The following FOS variants were observed in gnomAD, a reference collection of about 807,000 sequenced individuals.
The protein encoded by FOS is protein c-Fos.
In FOS, 9 loss-of-function variants were observed where a neutral mutation model predicts 27.2. That is an observed-to-expected ratio of 0.33 (90% CI 0.20 to 0.58). The LOEUF (loss-of-function observed/expected upper bound fraction) is 0.58. Ranked by LOEUF, FOS falls within the 20% of genes least tolerant of loss-of-function variation. FOS has a pLI of 0.87. For synonymous variants in FOS, 213 were observed against 205.1 expected (o/e 1.04, Z -0.33); for missense variants, 405 against 483.5 (o/e 0.84, Z 1.52).
In FOS at chr14:75,279,350, A is replaced by G; in HGVS notation, c.141+227A>G. On this transcript the variant is annotated intron_variant, in intron 1 of 3. Transcript: ENST00000303562. The surrounding 1 kb of genome is among the most constrained non-coding windows in gnomAD (Gnocchi z 5.4). ...TTCGGGAGGCAGGTTCGTTCTGAGC[A>G]ACCTCTGGTCTGCACTCCAGGACGG... 1.6e-6 allele frequency: 1 copy of G among 610,132 alleles called. No individual in the cohort carries two copies. The highest frequency in any genetic ancestry group is 2.9e-6 in the Non-Finnish European group (1 of 349,930). The allele number at this position is 610,132 out of a possible 1,614,324, so 37.8% of individuals were successfully genotyped here. A position where few individuals can be genotyped will look rare whatever the true frequency, so the allele number is the denominator to read the frequency against.
In FOS at chr14:75,279,845, C is replaced by A; in HGVS notation, c.142-32C>A. ...CACCTGTGTCCGGAACCTGCTCGCT[C>A]ACGTCGGCTTTCCCCTTCTGTTTTG... On this transcript the variant is annotated intron_variant, in intron 1 of 3. Transcript: ENST00000303562. This position sits in a 1 kb window ranked among gnomAD's most constrained non-coding sequence, Gnocchi z 5.4. 1 of 1,557,226 alleles carries A rather than the reference C, an allele frequency of 6.4e-7. No individual in the cohort carries two copies.
At chr14:75,280,261 G>C (rs769266671) in intron 2 of FOS, 133 bp downstream of exon 2, 1 of 1,229,440 alleles carries the variant, frequency 8.1e-7, no homozygotes, top group East Asian at 2.5e-5. Context: ...GGGAGCCCTG[G>C]CTCCAAGCCC....
rs776646101 is a variant in FOS at position 75,279,614 on chromosome 14, A to G, written c.142-263A>G. On this transcript the variant is annotated intron_variant, in intron 1 of 3. Coordinates refer to ENST00000303562, the MANE Select transcript of FOS (RefSeq NM_005252.4). The surrounding 1 kb of genome is among the most constrained non-coding windows in gnomAD (Gnocchi z 5.4). ...CTGCGTCAGCGCAGACGTCAGGGAT[A>G]TTTATAACAAACCCCCTTTCAAGCA... is the stretch of plus-strand genomic sequence containing the variant. 1.3e-5 allele frequency: 7 copies of G among 536,820 alleles called. No individual in the cohort carries two copies. Among genetic ancestry groups the G allele is most frequent in the Admixed American group, 3.4e-5 (1 of 29,648 alleles). The allele number at this position is 536,820 out of a possible 1,614,324, so 33.3% of individuals were successfully genotyped here. A position where few individuals can be genotyped will look rare whatever the true frequency, so the allele number is the denominator to read the frequency against.
chr14:75,279,870 G>C lies in FOS; in HGVS notation c.142-7G>C, dbSNP rs1464069872. ...CACGTCGGCTTTCCCCTTCTGTTTT[G>C]TTCTAGGACTTCTGCACGGACCTGG... On this transcript the variant is annotated splice_polypyrimidine_tract_variant and splice_region_variant and intron_variant, in intron 1 of 3. Transcript: ENST00000303562. This position sits in a 1 kb window ranked among gnomAD's most constrained non-coding sequence, Gnocchi z 5.4. 1.3e-6 allele frequency: 2 copies of C among 1,592,670 alleles called. No individual in the cohort carries two copies. The highest frequency in any genetic ancestry group is 1.1e-5 in the South Asian group (1 of 88,946).
At position 75,281,911 on chromosome 14, in the gene FOS, T is replaced by A. The variant is rs1055471768; in HGVS notation, c.*487T>A. On this transcript the variant is annotated 3_prime_UTR_variant, in exon 4 of 4. Transcript: ENST00000303562. This position sits in a 1 kb window ranked among gnomAD's most constrained non-coding sequence, Gnocchi z 4.7. ...ATTATACTAAGAAAAGATACGACTT[T>A]ATTTTCTGGTAGATAGAAATAAATA... is the stretch of plus-strand genomic sequence containing the variant. 1.2e-5 allele frequency: 2 copies of A among 162,066 alleles called. No homozygotes were observed. The highest frequency in any genetic ancestry group is 2.4e-5 in the African/African-American group (1 of 41,512). 10.0% of individuals were successfully genotyped at this position (162,066 alleles called of 1,614,324 possible).
At position 75,279,261 on chromosome 14, in the gene FOS, G is replaced by A; in HGVS notation, c.141+138G>A. 9.2e-7 allele frequency: 1 copy of A among 1,090,682 alleles called. No individual in the cohort carries two copies. The highest frequency in any genetic ancestry group is 1.3e-6 in the Non-Finnish European group (1 of 758,076). 67.6% of individuals were successfully genotyped at this position (1,090,682 alleles called of 1,614,324 possible). ...GGCTGCCGTGGCCGGAGCGGTGCCGGCTCGGGGGCTCGGGACTTGCTCTGA... is the reference window on the plus strand; with the variant it reads ...GGCTGCCGTGGCCGGAGCGGTGCCGACTCGGGGGCTCGGGACTTGCTCTGA... On this transcript the variant is annotated intron_variant, in intron 1 of 3. Transcript: ENST00000303562. The surrounding 1 kb of genome is among the most constrained non-coding windows in gnomAD (Gnocchi z 5.4).
chr14:75,280,535 C>G, intron 2 of FOS, 25 bp from the exon 3 acceptor site: 1 of 1,573,634 alleles, frequency 6.4e-7, no homozygotes, highest in Non-Finnish European at 8.7e-7. Context: ...TACTGAATGT[C>G]GGTCTTTTTT....
At position 75,280,948 on chromosome 14, in the gene FOS, C is replaced by A; in HGVS notation, c.667C>A (p.Leu223Met). The A allele has an allele frequency of 1.2e-6, 2 of 1,614,184 alleles. No homozygotes were observed. Among genetic ancestry groups the A allele is most frequent in the Non-Finnish European group, 1.7e-6 (2 of 1,180,024 alleles). Reference sequence around the variant, plus strand: ...AGAGATGTCTGTGGCTTCCCTTGATCTGACTGGGGGCCTGCCAGAGGTTGC... The same window carrying A: ...AGAGATGTCTGTGGCTTCCCTTGATATGACTGGGGGCCTGCCAGAGGTTGC... ...PEEMSVASLD[L>M]TGGLPEVATP... The change falls in exon 4 of 4, where the codon CTG becomes ATG. Residue 223 changes from leucine to methionine, a missense_variant. Physicochemically the swap from Leu to Met is conservative, Grantham distance 15. Coordinates refer to ENST00000303562, the MANE Select transcript of FOS (RefSeq NM_005252.4).
At position 75,279,218 on chromosome 14, in the gene FOS, C is replaced by T. The variant is rs925479116; in HGVS notation, c.141+95C>T. 3 of 1,532,596 alleles carry T rather than the reference C, an allele frequency of 2.0e-6. No homozygotes were observed. Among genetic ancestry groups the T allele is most frequent in the East Asian group, 2.3e-5 (1 of 44,082 alleles). 94.9% of individuals were successfully genotyped at this position (1,532,596 alleles called of 1,614,324 possible). On this transcript the variant is annotated intron_variant, in intron 1 of 3. Transcript: ENST00000303562. The surrounding 1 kb of genome is among the most constrained non-coding windows in gnomAD (Gnocchi z 5.4). ...CGCTCCAGTAGATGAGTAGGGGGCT[C>T]CCTTGTGCCTGGAGGGAGGCTGCCG...
In FOS at chr14:75,281,308, T is replaced by C. The variant is rs202113955; in HGVS notation, c.1027T>C (p.Phe343Leu). The stretch of plus-strand genomic sequence containing the variant: ...CACTGCTTACACGTCTTCCTTCGTC[T>C]TCACCTACCCCGAGGCTGACTCCTT... ...SCTAYTSSFVFTYPEADSFPS... is the reference protein window; with the variant it reads ...SCTAYTSSFVLTYPEADSFPS... Residue 343 changes from phenylalanine to leucine, a missense_variant, in exon 4 of 4, where the codon TTC (phenylalanine) becomes CTC (leucine). By Grantham distance (22) the Phe-to-Leu change is conservative. Coordinates refer to ENST00000303562, the MANE Select transcript of FOS (RefSeq NM_005252.4). This position sits in a 1 kb window ranked among gnomAD's most constrained non-coding sequence, Gnocchi z 4.7. The C allele has an allele frequency of 4.2e-5, 68 of 1,609,844 alleles. No homozygotes were observed. The highest frequency in any genetic ancestry group is 1.6e-4 in the Middle Eastern group (1 of 6,084).
At position 75,279,583 on chromosome 14, in the gene FOS, C is replaced by A. The variant is rs369232556; in HGVS notation, c.142-294C>A. The A allele has an allele frequency of 2.1e-6, 1 of 485,814 alleles. No individual in the cohort carries two copies. The highest frequency in any genetic ancestry group is 2.9e-5 in the South Asian group (1 of 35,004). 30.1% of individuals were successfully genotyped at this position (485,814 alleles called of 1,614,324 possible). A position where few individuals can be genotyped will look rare whatever the true frequency, so the allele number is the denominator to read the frequency against. On this transcript the variant is annotated intron_variant, in intron 1 of 3. Coordinates refer to ENST00000303562, the MANE Select transcript of FOS (RefSeq NM_005252.4). This position sits in a 1 kb window ranked among gnomAD's most constrained non-coding sequence, Gnocchi z 5.4. Reference sequence around the variant, plus strand: ...CGAGTTCATTCTGGAGACTCCGGAGCGGCGCCTGCGTCAGCGCAGACGTCA... The same window carrying A: ...CGAGTTCATTCTGGAGACTCCGGAGAGGCGCCTGCGTCAGCGCAGACGTCA...
rs1483129314 is a variant in FOS, at chr14:75,278,854, A to G, written c.-129A>G. On this transcript the variant is annotated 5_prime_UTR_variant, in exon 1 of 4. Coordinates refer to ENST00000303562, the MANE Select transcript of FOS (RefSeq NM_005252.4). The surrounding 1 kb of genome is among the most constrained non-coding windows in gnomAD (Gnocchi z 4.1). ...ACCGCATCTGCAGCGAGCATCTGAG[A>G]AGCCAAGACTGAGCCGGCGGCCGCG... 4.7e-5 allele frequency: 51 copies of G among 1,088,008 alleles called. No individual in the cohort carries two copies. Among genetic ancestry groups the G allele is most frequent in the South Asian group, 1.2e-4 (8 of 67,284 alleles). The allele number at this position is 1,088,008 out of a possible 1,614,324, so 67.4% of individuals were successfully genotyped here.
At position 75,279,125 on chromosome 14, in the gene FOS, T is replaced by C. The variant is rs1437405359; in HGVS notation, c.141+2T>C. On this transcript the variant is annotated splice_donor_variant, in intron 1 of 3. Transcript: ENST00000303562. LOFTEE classifies it high-confidence loss of function. The surrounding 1 kb of genome is among the most constrained non-coding windows in gnomAD (Gnocchi z 5.4). ...ATGGGCTCGCCTGTCAACGCGCAGG[T>C]AAGGCTGGCTTCCCGTCGCCGCGGG... 1 of 1,612,724 alleles carries C rather than the reference T, an allele frequency of 6.2e-7. No individual in the cohort carries two copies.
Position 75,279,584 on chromosome 14 carries a change from G to T in FOS, c.142-293G>T. 1 of 487,390 alleles carries T rather than the reference G, an allele frequency of 2.1e-6. No individual in the cohort carries two copies. Among genetic ancestry groups the T allele is most frequent in the Non-Finnish European group, 3.6e-6 (1 of 274,682 alleles). 30.2% of individuals were successfully genotyped at this position (487,390 alleles called of 1,614,324 possible). ...GAGTTCATTCTGGAGACTCCGGAGC[G>T]GCGCCTGCGTCAGCGCAGACGTCAG... On this transcript the variant is annotated intron_variant, in intron 1 of 3. Transcript: ENST00000303562. The surrounding 1 kb of genome is among the most constrained non-coding windows in gnomAD (Gnocchi z 5.4).
chr14:75,280,630 G>A lies in FOS; in HGVS notation c.464G>A (p.Arg155His). The A allele has an allele frequency of 6.2e-7, 1 of 1,614,194 alleles. No individual in the cohort carries two copies. Among genetic ancestry groups the A allele is most frequent in the Non-Finnish European group, 8.5e-7 (1 of 1,180,024 alleles). The change falls in exon 3 of 4, where the codon CGC (arginine) becomes CAC (histidine). Residue 155 changes from arginine to histidine, a missense_variant. By Grantham distance (29) the Arg-to-His change is conservative. Coordinates refer to ENST00000303562, the MANE Select transcript of FOS (RefSeq NM_005252.4). ...ERNKMAAAKC[R>H]NRRRELTDTL... ...AATAAGATGGCTGCAGCCAAATGCC[G>A]CAACCGGAGGAGGGAGCTGACTGAT...
At position 75,278,833 on chromosome 14, in the gene FOS, C is replaced by T. The variant is rs1897191412; in HGVS notation, c.-150C>T. The T allele has an allele frequency of 4.8e-6, 4 of 825,748 alleles. No homozygotes were observed. The highest frequency in any genetic ancestry group is 2.7e-5 in the East Asian group (1 of 36,966). The allele number at this position is 825,748 out of a possible 1,614,324, so 51.2% of individuals were successfully genotyped here. A position where few individuals can be genotyped will look rare whatever the true frequency, so the allele number is the denominator to read the frequency against. On this transcript the variant is annotated 5_prime_UTR_variant, in exon 1 of 4. Transcript: ENST00000303562. The surrounding 1 kb of genome is among the most constrained non-coding windows in gnomAD (Gnocchi z 4.1). ...GCTGCGGCGCCTCGTACTCCAACCG[C>T]ATCTGCAGCGAGCATCTGAGAAGCC... is the stretch of plus-strand genomic sequence containing the variant.
rs1389165811 is a variant in FOS at position 75,279,027 on chromosome 14, C to A, written c.45C>A (p.Ser15=). 6.2e-7 allele frequency: 1 copy of A among 1,613,620 alleles called. No homozygotes were observed. The highest frequency in any genetic ancestry group is 1.3e-5 in the African/African-American group (1 of 74,930). ...ACGCAGACTACGAGGCGTCATCCTCCCGCTGCAGCAGCGCGTCCCCGGCCG... is the reference window on the plus strand; with the variant it reads ...ACGCAGACTACGAGGCGTCATCCTCACGCTGCAGCAGCGCGTCCCCGGCCG... ...GFNADYEASS[S]RCSSASPAGD... The change falls in exon 1 of 4, where the codon TCC becomes TCA. Residue 15 remains serine (S), a synonymous_variant. Coordinates refer to ENST00000303562, the MANE Select transcript of FOS (RefSeq NM_005252.4). The surrounding 1 kb of genome is among the most constrained non-coding windows in gnomAD (Gnocchi z 5.4).
At position 75,279,218 on chromosome 14, in the gene FOS, C is replaced by G. The variant is rs925479116; in HGVS notation, c.141+95C>G. 1.3e-6 allele frequency: 2 copies of G among 1,532,478 alleles called. No individual in the cohort carries two copies. Among genetic ancestry groups the G allele is most frequent in the African/African-American group, 2.7e-5 (2 of 72,744 alleles). The allele number at this position is 1,532,478 out of a possible 1,614,324, so 94.9% of individuals were successfully genotyped here. On this transcript the variant is annotated intron_variant, in intron 1 of 3. Coordinates refer to ENST00000303562, the MANE Select transcript of FOS (RefSeq NM_005252.4). The surrounding 1 kb of genome is among the most constrained non-coding windows in gnomAD (Gnocchi z 5.4). ...CGCTCCAGTAGATGAGTAGGGGGCT[C>G]CCTTGTGCCTGGAGGGAGGCTGCCG...
At position 75,278,862 on chromosome 14, in the gene FOS, A is replaced by G. The variant is rs992923873; in HGVS notation, c.-121A>G. The G allele has an allele frequency of 4.5e-5, 55 of 1,216,740 alleles. No individual in the cohort carries two copies. The African/African-American group carries it at 7.8e-4, about 17-fold the overall frequency. The allele number at this position is 1,216,740 out of a possible 1,614,324, so 75.4% of individuals were successfully genotyped here. A position where few individuals can be genotyped will look rare whatever the true frequency, so the allele number is the denominator to read the frequency against. ...TGCAGCGAGCATCTGAGAAGCCAAG[A>G]CTGAGCCGGCGGCCGCGGCGCAGCG... On this transcript the variant is annotated 5_prime_UTR_variant, in exon 1 of 4. Coordinates refer to ENST00000303562, the MANE Select transcript of FOS (RefSeq NM_005252.4). The surrounding 1 kb of genome is among the most constrained non-coding windows in gnomAD (Gnocchi z 4.1).
Sources: gnomAD v4.1 joint callset for allele counts on GRCh38, gnomAD v4.1.1 for gene constraint, Gnocchi (gnomAD v3.1) non-coding constraint, MANE v1.5 for transcripts, NCBI Gene and HGNC (gene_info 2026-07-23, HGNC 2026-07-21) for gene names.